DLGAP1: variants seen among roughly 807,000 people sequenced by gnomAD.
DLGAP1 encodes the protein disks large-associated protein 1.
A neutral mutation model predicts 90.8 loss-of-function variants in DLGAP1; 11 were observed. The ratio of observed to expected loss-of-function variants is 0.12; its 90% CI spans 0.08 to 0.20. DLGAP1 has a LOEUF of 0.20. DLGAP1 is among the 10% of genes least tolerant of loss of function. The probability of loss-of-function intolerance (pLI) is 1.00; values close to 1 mark genes in which losing one functional copy is unlikely to be tolerated. For missense variants in DLGAP1, 1,050 were observed against 1,333.8 expected, an observed-to-expected ratio of 0.79 and a Z score of 3.31; for synonymous variants, 558 against 540.7, an observed-to-expected ratio of 1.03 and a Z score of -0.44.
intron 5 of DLGAP1, among the ~76,000 whole-genome samples, chr18:3,786,284 T>A (rs1372800247): frequency 6.6e-6 from 1 of 152,158 alleles, no homozygotes; most frequent in Non-Finnish European, 1.5e-5. Context: ...GCTGAGATAA[T>A]TCAAATGCAT....
chr18:4,246,374 G>A (rs2078652959), intron 1 of DLGAP1, among the ~76,000 whole-genome samples: 1 of 152,056 alleles, frequency 6.6e-6, no homozygotes, highest in African/African-American at 2.4e-5. Context: ...AACAGTTCTG[G>A]GTGAAAATGG....
chr18:3,944,856 A>G (rs1330444061), intron 3 of DLGAP1, among the ~76,000 whole-genome samples: 1 of 152,220 alleles, frequency 6.6e-6, no homozygotes, highest in African/African-American at 2.4e-5. Context: ...CTTCCGCAAA[A>G]AAAACGATGA....
At chr18:4,331,117 G>A (rs552859903) in intron 1 of DLGAP1, among the ~76,000 whole-genome samples, 1 of 151,598 alleles carries the variant, frequency 6.6e-6, no homozygotes, top group African/African-American at 2.4e-5. Context: ...AATATTCCTT[G>A]TCTAAGATCT....
chr18:4,427,406 C>T (rs577319885), intron 1 of DLGAP1, among the ~76,000 whole-genome samples: 1 of 152,248 alleles, frequency 6.6e-6, no homozygotes, highest in East Asian at 1.9e-4. Context: ...TGCAAATTCA[C>T]CAGCATTAGT....
intron 3 of DLGAP1, among the ~76,000 whole-genome samples, chr18:3,899,466 A>G (rs1253856105): frequency 6.6e-6 from 1 of 152,334 alleles, no homozygotes; most frequent in East Asian, 1.9e-4. Context: ...CAACAGCAAG[A>G]ATGTTAAAAG....
chr18:3,763,470 A>G (rs1386511750), intron 5 of DLGAP1, among the ~76,000 whole-genome samples: 3 of 152,168 alleles, frequency 2.0e-5, no homozygotes, highest in Admixed American at 6.5e-5. Context: ...ACTCCCCTGT[A>G]TATATACATC....
intron 2 of DLGAP1, among the ~76,000 whole-genome samples, chr18:4,083,788 G>A (rs1172630740): frequency 5.3e-5 from 8 of 152,110 alleles, no homozygotes; most frequent in Admixed American, 5.2e-4. Flanking sequence ...TGACCCCATG[G>A]TAGCATCTAG....
intron 1 of DLGAP1, among the ~76,000 whole-genome samples, chr18:4,232,720 T>C (rs182916837): frequency 3.9e-5 from 6 of 152,272 alleles, no homozygotes; most frequent in Admixed American, 6.5e-5. Context: ...ACTCAATCCA[T>C]GGTCAAGGAA....
intron 5 of DLGAP1, among the ~76,000 whole-genome samples, chr18:3,746,652 G>T (rs2063281125): frequency 6.6e-6 from 1 of 152,058 alleles, no homozygotes; most frequent in Non-Finnish European, 1.5e-5. Context: ...AGCCTATAAA[G>T]AGGGAATCAT....
At chr18:3,681,758 C>A (rs1053732727) in intron 7 of DLGAP1, among the ~76,000 whole-genome samples, 4 of 152,124 alleles carry the variant, frequency 2.6e-5, no homozygotes, top group Non-Finnish European at 5.9e-5. Flanking sequence ...GATGGTTTCT[C>A]GTGAATAGCT....
chr18:4,150,036 C>T (rs2076648320), intron 2 of DLGAP1, among the ~76,000 whole-genome samples: 1 of 152,188 alleles, frequency 6.6e-6, no homozygotes, highest in Non-Finnish European at 1.5e-5. Flanking sequence ...GGCATCTGTA[C>T]CCCTCCTGGG....
intron 3 of DLGAP1, among the ~76,000 whole-genome samples, chr18:3,914,432 C>T (rs2072099949): frequency 6.6e-6 from 1 of 152,312 alleles, no homozygotes; most frequent in South Asian, 2.1e-4. Context: ...ACATAAACCA[C>T]ATTTTCTTTA....
At chr18:3,929,686 T>C (rs1393828383) in intron 3 of DLGAP1, among the ~76,000 whole-genome samples, 3 of 152,240 alleles carry the variant, frequency 2.0e-5, no homozygotes, top group Non-Finnish European at 2.9e-5. Flanking sequence ...TCCTATGATA[T>C]GTGCATTTTA....
At chr18:3,706,019 T>A (rs2061421897) in intron 7 of DLGAP1, among the ~76,000 whole-genome samples, 1 of 141,906 alleles carries the variant, frequency 7.0e-6, no homozygotes, top group Admixed American at 7.2e-5. Flanking sequence ...TCACTCACTC[T>A]GTCGCCCAGG....
At chr18:4,415,677 A>G (rs1297645574) in intron 1 of DLGAP1, among the ~76,000 whole-genome samples, 2 of 152,166 alleles carry the variant, frequency 1.3e-5, no homozygotes. Context: ...TATAGATTCA[A>G]AAATTGGCTC....
chr18:4,214,853 C>T (rs2077919246), intron 1 of DLGAP1, among the ~76,000 whole-genome samples: 1 of 152,020 alleles, frequency 6.6e-6, no homozygotes, highest in Non-Finnish European at 1.5e-5. Flanking sequence ...GGAAGAGAAT[C>T]CCACCAAAAG....
intron 3 of DLGAP1, among the ~76,000 whole-genome samples, chr18:3,923,014 G>A (rs1217357831): frequency 6.6e-6 from 1 of 151,110 alleles, no homozygotes; most frequent in Non-Finnish European, 1.5e-5. Flanking sequence ...CACGCCTGTG[G>A]TCCCAGCTAC....
chr18:4,307,670 C>G lies in DLGAP1; in HGVS notation c.-267+147336G>C, dbSNP rs995004227. On this transcript the variant is annotated intron_variant, in intron 1 of 12. Transcript: ENST00000315677. ...CCTGCAGTCTCTGCACTCTGCCCCG[C>G]CAGCACTCTGTCCCTCAGGTAGCAA... 1.4e-4 allele frequency among the ~76,000 whole-genome samples: 22 copies of G among 151,856 alleles called. 1 individual carries two copies. The East Asian group carries it at 4.1e-3, about 28-fold the overall frequency.
Position 3,545,718 on chromosome 18 carries a change from C to A in DLGAP1, c.2058-11103G>T, listed in dbSNP as rs189494977. Among the ~76,000 whole-genome samples, 113 of 151,758 alleles carry A rather than the reference C, an allele frequency of 7.4e-4. No homozygotes were observed. The East Asian group carries it at 7.6e-3, about 10-fold the overall frequency. ...CTAAAATTACAAAAACTAAACTAAA[C>A]TAAAATAAATAAAAATAGAGACGTA... On this transcript the variant is annotated intron_variant, in intron 9 of 12. Transcript: ENST00000315677.
Sources: allele counts gnomAD v4.1 joint callset (sites outside exome capture counted in the v4.1 genomes callset), GRCh38; gene constraint gnomAD v4.1.1; transcripts MANE v1.5; gene names NCBI Gene and HGNC (gene_info 2026-07-23, HGNC 2026-07-21).